Variants in PCDHGA3 observed in about 807,000 individuals in gnomAD.
The protein encoded by PCDHGA3 is protocadherin gamma subfamily A, 3.
A neutral mutation model predicts 58.5 loss-of-function variants in PCDHGA3; 40 were observed. The ratio of observed to expected loss-of-function variants is 0.68; its 90% CI spans 0.53 to 0.89. The LOEUF is 0.89. Ranked by LOEUF, PCDHGA3 falls within the 40% of genes least tolerant of loss-of-function variation. PCDHGA3 has a pLI of 0.00. For missense variants in PCDHGA3, 1,223 were observed against 1,195.9 expected, an observed-to-expected ratio of 1.02 and a Z score of -0.33; for synonymous variants, 530 against 525.7, an observed-to-expected ratio of 1.01 and a Z score of -0.11.
chr5:141,382,126 C>G (rs1360934225), intron 1 of PCDHGA3, among the ~76,000 whole-genome samples: 1 of 151,958 alleles, frequency 6.6e-6, no homozygotes, highest in African/African-American at 2.4e-5. Context: ...CAGCACCTGG[C>G]CCCCCCTCTC....
intron 1 of PCDHGA3, chr5:141,400,388 A>C: frequency 1.9e-6 from 3 of 1,614,066 alleles, no homozygotes; most frequent in Non-Finnish European, 2.5e-6. Context: ...TGTGTTGCAC[A>C]TACAGGAAAG....
At chr5:141,355,261 G>A (rs748036295) in intron 1 of PCDHGA3, 4 of 1,613,564 alleles carry the variant, frequency 2.5e-6, no homozygotes, top group Non-Finnish European at 3.4e-6. Context: ...CCTTCTCCTG[G>A]GGGTTCTGGT....
chr5:141,344,117 C>CG lies in PCDHGA3; in HGVS notation c.86dup (p.Gln30SerfsTer8), dbSNP rs771828650. The CG allele has an allele frequency of 6.2e-6, 10 of 1,613,874 alleles. No individual in the cohort carries two copies. In the East Asian group the frequency reaches 2.0e-4, roughly 32 times the overall value. ...TGGGGACGCTGTGCGAAACAGGATC[C>CG]GGTCAGATCCGCTACTCGGTGTCTG... On this transcript the variant is annotated frameshift_variant, in exon 1 of 4. Transcript: ENST00000253812. LOFTEE classifies it high-confidence loss of function.
In PCDHGA3 at chr5:141,476,210, G is replaced by A; in HGVS notation, c.2425-18597G>A. ...TGGTGCCTTGAACAAGGCTTCCACG[G>A]TCATTCACTATGAGATCCCGGAGGA... is the stretch of plus-strand genomic sequence containing the variant. On this transcript the variant is annotated intron_variant, in intron 1 of 3. Coordinates refer to ENST00000253812, the MANE Select transcript of PCDHGA3 (RefSeq NM_018916.4). The surrounding 1 kb of genome is among the most constrained non-coding windows in gnomAD (Gnocchi z 7.6). 6.2e-7 allele frequency: 1 copy of A among 1,614,012 alleles called. No individual in the cohort carries two copies. Among genetic ancestry groups the A allele is most frequent in the Non-Finnish European group, 8.5e-7 (1 of 1,180,012 alleles).
At chr5:141,427,812 G>C (rs1380721111) in intron 1 of PCDHGA3, 1 of 1,524,406 alleles carries the variant, frequency 6.6e-7, no homozygotes, top group Non-Finnish European at 9.0e-7. Flanking sequence ...CGCACAGAGC[G>C]GGGTGGTGGT....
At position 141,346,302 on chromosome 5, in the gene PCDHGA3, G is replaced by A. The variant is rs1251482348; in HGVS notation, c.2269G>A (p.Val757Ile). 1.9e-6 allele frequency: 3 copies of A among 1,614,060 alleles called. No homozygotes were observed. The highest frequency in any genetic ancestry group is 2.7e-5 in the African/African-American group (2 of 74,922). ...RAFLQTYSHEVSLTADSRKSH... is the reference protein window; with the variant it reads ...RAFLQTYSHEISLTADSRKSH... ...TTTCCTGCAGACCTATTCCCACGAG[G>A]TCTCCCTCACTGCGGACTCGCGGAA... The change falls in exon 1 of 4, where the codon GTC becomes ATC. Residue 757 changes from valine (V) to isoleucine (I), a missense_variant. Physicochemically the swap from Val to Ile is conservative, Grantham distance 29. Coordinates refer to ENST00000253812, the MANE Select transcript of PCDHGA3 (RefSeq NM_018916.4).
intron 1 of PCDHGA3, chr5:141,403,090 C>T (rs2094352394): frequency 6.2e-7 from 1 of 1,614,068 alleles, no homozygotes; most frequent in Non-Finnish European, 8.5e-7. Context: ...ATATTGTGGG[C>T]AACATCTCCA....
In PCDHGA3 at chr5:141,346,558, G is replaced by C. The variant is rs763459310; in HGVS notation, c.2424+101G>C. ...ATTTGAGAAATAAAGCCATGAGGTTGTCATTAGTCCTTTGACTAAATATTT... is the reference window on the plus strand; with the variant it reads ...ATTTGAGAAATAAAGCCATGAGGTTCTCATTAGTCCTTTGACTAAATATTT... On this transcript the variant is annotated intron_variant, in intron 1 of 3. Coordinates refer to ENST00000253812, the MANE Select transcript of PCDHGA3 (RefSeq NM_018916.4). The C allele has an allele frequency of 1.5e-5, 22 of 1,488,910 alleles. No individual in the cohort carries two copies. The South Asian group carries it at 2.8e-4, about 19-fold the overall frequency. 92.2% of individuals were successfully genotyped at this position (1,488,910 alleles called of 1,614,324 possible).
Position 141,490,826 on chromosome 5 carries a change from T to A in PCDHGA3, c.2425-3981T>A, listed in dbSNP as rs1195265146. ...ACCTTTGACTATGAATTGCTGCAGA[T>A]GCTGCAGATTGTGGTGGGGGTTCGA... On this transcript the variant is annotated intron_variant, in intron 1 of 3. Coordinates refer to ENST00000253812, the MANE Select transcript of PCDHGA3 (RefSeq NM_018916.4). The surrounding 1 kb of genome is among the most constrained non-coding windows in gnomAD (Gnocchi z 5.4). 6.2e-7 allele frequency: 1 copy of A among 1,613,736 alleles called. No homozygotes were observed. The highest frequency in any genetic ancestry group is 8.5e-7 in the Non-Finnish European group (1 of 1,179,796).
chr5:141,393,657 C>G, intron 1 of PCDHGA3: 1 of 1,613,862 alleles, frequency 6.2e-7, no homozygotes, highest in Non-Finnish European at 8.5e-7. Context: ...ATACAAATTC[C>G]GGAAAATTAA....
rs768311217 is a variant in PCDHGA3 at position 141,382,969 on chromosome 5, T to C, written c.2424+36512T>C. On this transcript the variant is annotated intron_variant, in intron 1 of 3. Coordinates refer to ENST00000253812, the MANE Select transcript of PCDHGA3 (RefSeq NM_018916.4). Reference sequence around the variant, plus strand: ...GCTCTCCATCCTCCTGGGGACCCCCTGGGAAGCCTGGGCAGGACGTATTCT... The same window carrying C: ...GCTCTCCATCCTCCTGGGGACCCCCCGGGAAGCCTGGGCAGGACGTATTCT... The C allele has an allele frequency of 1.2e-5, 19 of 1,609,300 alleles. No homozygotes were observed. Among genetic ancestry groups the C allele is most frequent in the Non-Finnish European group, 1.6e-5 (19 of 1,176,708 alleles).
At chr5:141,419,936 G>C in intron 1 of PCDHGA3, 1 of 1,614,074 alleles carries the variant, frequency 6.2e-7, no homozygotes, top group Non-Finnish European at 8.5e-7. Context: ...GTTTTACCTG[G>C]TGGTGGCCTT....
intron 1 of PCDHGA3, chr5:141,371,923 G>A: frequency 2.5e-6 from 4 of 1,613,350 alleles, no homozygotes; most frequent in African/African-American, 1.3e-5. Flanking sequence ...GTGAGCGCGC[G>A]GAGCGGGGTG....
chr5:141,380,299 C>G (rs1776363020), intron 1 of PCDHGA3, among the ~76,000 whole-genome samples: 2 of 152,210 alleles, frequency 1.3e-5, no homozygotes, highest in Middle Eastern at 3.4e-3. Flanking sequence ...ATACCTATAT[C>G]TTTGCTTGAG....
At chr5:141,365,011 C>T (rs372758360) in intron 1 of PCDHGA3, 64 of 1,613,820 alleles carry the variant, frequency 4.0e-5, no homozygotes, top group African/African-American at 6.7e-5. Context: ...GCACCACGCA[C>T]ATCCGTGTTA....
At chr5:141,362,958 G>GA (rs1467174022) in intron 1 of PCDHGA3, among the ~76,000 whole-genome samples, 3 of 152,188 alleles carry the variant, frequency 2.0e-5, no homozygotes, top group Admixed American at 6.5e-5. Context: ...TGGAAATTGG[G>GA]AAACAAAGAA....
At chr5:141,508,841 C>G (rs969875150) in intron 3 of PCDHGA3, among the ~76,000 whole-genome samples, 1 of 152,140 alleles carries the variant, frequency 6.6e-6, no homozygotes, top group Admixed American at 6.5e-5. Flanking sequence ...TCCCCTACCC[C>G]TTCCATTCCC....
At chr5:141,351,296 A>G (rs570292459) in intron 1 of PCDHGA3, 2 of 1,613,934 alleles carry the variant, frequency 1.2e-6, no homozygotes, top group Non-Finnish European at 1.7e-6. Flanking sequence ...GGTGACATTC[A>G]TGTCCTTCTC....
chr5:141,418,081 C>T lies in PCDHGA3; in HGVS notation c.2424+71624C>T, dbSNP rs190197904. On this transcript the variant is annotated intron_variant, in intron 1 of 3. Transcript: ENST00000253812. Reference sequence around the variant, plus strand: ...TGCGAGTGAGCGCGGAGAAGCTGCACTTCAGCGTAGACGCGCAGAGCGGGG... The same window carrying T: ...TGCGAGTGAGCGCGGAGAAGCTGCATTTCAGCGTAGACGCGCAGAGCGGGG... 331 of 1,614,072 alleles carry T rather than the reference C, an allele frequency of 2.1e-4. 3 individuals are homozygous for T. The African/African-American group carries it at 4.0e-3, about 19-fold the overall frequency.
Sources: gnomAD v4.1 joint callset for allele counts (sites outside exome capture counted in the v4.1 genomes callset) on GRCh38, gnomAD v4.1.1 for gene constraint, Gnocchi (gnomAD v3.1) non-coding constraint, MANE v1.5 for transcripts, NCBI Gene and HGNC (gene_info 2026-07-23, HGNC 2026-07-21) for gene names.